The following HIVEP1 variants were observed in gnomAD, a reference collection of about 807,000 sequenced individuals.
HIVEP1 encodes HIVEP zinc finger 1, also known as zinc finger protein 40.
Under a neutral mutation model 180.0 loss-of-function variants are expected in HIVEP1, and 36 were observed. The observed-to-expected ratio is 0.20, with a 90% CI of 0.15 to 0.26. The LOEUF (loss-of-function observed/expected upper bound fraction) is 0.26. Ranked by LOEUF, HIVEP1 falls within the 10% of genes least tolerant of loss-of-function variation. The probability of loss-of-function intolerance (pLI) is 1.00; values close to 1 mark genes in which losing one functional copy is unlikely to be tolerated. For missense variants in HIVEP1, 3,143 were observed against 3,268.7 expected (o/e 0.96, Z 0.94); for synonymous variants, 1,239 against 1,239.0 (o/e 1.00, Z 0.00).
chr6:12,066,761 A>G (rs930335534), intron 2 of HIVEP1, among the ~76,000 whole-genome samples: 5 of 152,076 alleles, frequency 3.3e-5, no homozygotes, highest in Admixed American at 2.0e-4. Context: ...CAATATTATC[A>G]TTGTCTTCTC....
intron 2 of HIVEP1, among the ~76,000 whole-genome samples, chr6:12,087,081 AT>A (rs1773166633): frequency 6.6e-6 from 1 of 152,182 alleles, no homozygotes; most frequent in Non-Finnish European, 1.5e-5. Flanking sequence ...AGGTAGAAGC[AT>A]TTGAGGAGGT....
rs149537394 is a variant in HIVEP1, at chr6:12,123,549, C to T, written c.3754C>T (p.His1252Tyr). 1.2e-6 allele frequency: 2 copies of T among 1,614,096 alleles called. No homozygotes were observed. The highest frequency in any genetic ancestry group is 2.7e-5 in the African/African-American group (2 of 75,030). The change falls in exon 4 of 9, where the codon CAT (histidine) becomes TAT (tyrosine). Residue 1252 changes from histidine (H) to tyrosine (Y), a missense_variant. By Grantham distance (83) the His-to-Tyr change is moderately conservative. Coordinates refer to ENST00000379388, the MANE Select transcript of HIVEP1 (RefSeq NM_002114.4). ...EPDRDLEAQC[H>Y]DQEKSEKFSW... ...AGATCGAGACCTGGAAGCTCAATGCCATGATCAAGAAAAGTCAGAGAAGTT... is the reference window on the plus strand; with the variant it reads ...AGATCGAGACCTGGAAGCTCAATGCTATGATCAAGAAAAGTCAGAGAAGTT...
rs1757977393 is a variant in HIVEP1 at position 12,125,116 on chromosome 6, C to T, written c.5321C>T (p.Ala1774Val). 2 of 1,613,452 alleles carry T rather than the reference C, an allele frequency of 1.2e-6. No individual in the cohort carries two copies. Among genetic ancestry groups the T allele is most frequent in the Non-Finnish European group, 1.7e-6 (2 of 1,179,792 alleles). The stretch of plus-strand genomic sequence containing the variant: ...AAAGATGAAAATGGAGCTGTTTGTG[C>T]AACAGACGTGAGACCTTTAGAGGCT... The part of the protein sequence containing the change: ...RAKDENGAVC[A>V]TDVRPLEALS... The change falls in exon 4 of 9, where the codon GCA becomes GTA. Residue 1774 changes from alanine to valine, a missense_variant. Transcript: ENST00000379388.
At chr6:12,187,498 C>T in the HIVEP1 span, among the ~76,000 whole-genome samples, 6 of 152,246 alleles carry the variant, frequency 3.9e-5, no homozygotes, top group South Asian at 4.2e-4. Flanking sequence ...CTTTGCCTTC[C>T]GTCCACCATT....
At position 12,042,119 on chromosome 6, in the gene HIVEP1, C is replaced by T. The variant is rs190462977; in HGVS notation, c.40+26451C>T. Among the ~76,000 whole-genome samples the T allele has an allele frequency of 1.9e-4, 27 of 142,608 alleles. 2 individuals carry two copies. The highest frequency in any genetic ancestry group is 6.6e-4 in the African/African-American group (25 of 37,628). 93.6% of individuals were successfully genotyped at this position (142,608 alleles called of 152,430 possible). On this transcript the variant is annotated intron_variant, in intron 2 of 8. Transcript: ENST00000379388. ...ACGGAGTCTCGCTCTGTCGCCAAGG[C>T]GGGACTGCGGACTGCAGTGGCGCAA... is the stretch of plus-strand genomic sequence containing the variant.
At chr6:12,115,607 C>A (rs775749083) in intron 3 of HIVEP1, among the ~76,000 whole-genome samples, 12 of 152,026 alleles carry the variant, frequency 7.9e-5, no homozygotes, top group Non-Finnish European at 1.6e-4. Flanking sequence ...CGGTAGCACA[C>A]TGACAAGTGG....
chr6:12,191,477 C>T, the HIVEP1 span, among the ~76,000 whole-genome samples: 10 of 152,022 alleles, frequency 6.6e-5, no homozygotes, highest in African/African-American at 2.4e-4. Context: ...GCCTGTAGTC[C>T]CAACTACTCA....
intron 2 of HIVEP1, among the ~76,000 whole-genome samples, chr6:12,034,679 T>C (rs1769165964): frequency 1.3e-5 from 2 of 152,254 alleles, no homozygotes. Flanking sequence ...CTTTACTTTC[T>C]GTGCCCACAT....
the HIVEP1 span, among the ~76,000 whole-genome samples, chr6:12,207,846 G>T: frequency 6.7e-6 from 1 of 149,590 alleles, no homozygotes; most frequent in Non-Finnish European, 1.5e-5. Context: ...GCCCCAGGGG[G>T]TCAAGGCTGC....
rs147263636 is a variant in HIVEP1 at position 12,120,102 on chromosome 6, A to G, written c.307A>G (p.Lys103Glu). 7 of 1,613,272 alleles carry G rather than the reference A, an allele frequency of 4.3e-6. No homozygotes were observed. Among genetic ancestry groups the G allele is most frequent in the Non-Finnish European group, 5.9e-6 (7 of 1,179,786 alleles). Residue 103 changes from lysine to glutamate, a missense_variant, in exon 4 of 9, where the codon AAA becomes GAA. Lys to Glu is a moderately conservative substitution (Grantham distance 56, BLOSUM62 1). Coordinates refer to ENST00000379388, the MANE Select transcript of HIVEP1 (RefSeq NM_002114.4). Reference sequence around the variant, plus strand: ...CAAGAAACAGAATTATATTCCTGTAAAAAATGGGAAGCAGTTTACCAAACA... The same window carrying G: ...CAAGAAACAGAATTATATTCCTGTAGAAAATGGGAAGCAGTTTACCAAACA... ...SHKKQNYIPV[K>E]NGKQFTKQNG...
At chr6:12,119,167 C>T (rs1426283397) in intron 3 of HIVEP1, among the ~76,000 whole-genome samples, 1 of 152,158 alleles carries the variant, frequency 6.6e-6, no homozygotes, top group African/African-American at 2.4e-5. Flanking sequence ...TCTTCCCTTA[C>T]CAGCTTAAAG....
chr6:12,078,707 A>AAC (rs1168274891), intron 2 of HIVEP1, among the ~76,000 whole-genome samples: 35 of 114,212 alleles, frequency 3.1e-4, no homozygotes, highest in African/African-American at 7.3e-4. Flanking sequence ...CATATATATA[A>AAC]ACACACACAC....
intron 2 of HIVEP1, among the ~76,000 whole-genome samples, chr6:12,044,623 G>A (rs918100765): frequency 9.9e-5 from 15 of 151,538 alleles, no homozygotes; most frequent in African/African-American, 3.4e-4. Flanking sequence ...CCCCCTCAAA[G>A]CCAGCGCACC....
chr6:12,063,392 G>T lies in HIVEP1; in HGVS notation c.41-25792G>T, dbSNP rs993894240. 2.0e-5 allele frequency among the ~76,000 whole-genome samples: 3 copies of T among 152,026 alleles called. No individual in the cohort carries two copies. The highest frequency in any genetic ancestry group is 2.0e-4 in the Admixed American group (3 of 15,254). ...CTCCAGGCATTTCCAAATGCCTTTT[G>T]GGGGGCAAAATCACCCCAACCTAAA... On this transcript the variant is annotated intron_variant, in intron 2 of 8. Coordinates refer to ENST00000379388, the MANE Select transcript of HIVEP1 (RefSeq NM_002114.4). This position sits in a 1 kb window ranked among gnomAD's most constrained non-coding sequence, Gnocchi z 4.2.
chr6:12,050,061 G>C (rs1770395331), intron 2 of HIVEP1, among the ~76,000 whole-genome samples: 1 of 152,106 alleles, frequency 6.6e-6, no homozygotes, highest in East Asian at 1.9e-4. Flanking sequence ...CCTCCTATCT[G>C]ATCAGCTTTG....
At chr6:12,011,269 G>GCCC (rs1767266720), upstream of HIVEP1, among the ~76,000 whole-genome samples, 1 of 75,682 alleles carries the variant, frequency 1.3e-5, no homozygotes, top group Non-Finnish European at 2.8e-5. Context: ...CCCCCTTGGG[G>GCCC]TCCCCCCCCC....
chr6:12,154,659 G>A (rs1383789715), intron 7 of HIVEP1, among the ~76,000 whole-genome samples: 2 of 152,116 alleles, frequency 1.3e-5, no homozygotes, highest in Non-Finnish European at 2.9e-5. Flanking sequence ...GACAAGGGGA[G>A]GGAGAGCATT....
At chr6:12,147,173 G>A (rs1212618266) in intron 7 of HIVEP1, among the ~76,000 whole-genome samples, 2 of 152,128 alleles carry the variant, frequency 1.3e-5, no homozygotes, top group African/African-American at 4.8e-5. Flanking sequence ...TGCTGTGCAG[G>A]GGAGTTTCAG....
chr6:12,164,011 A>G lies in HIVEP1; in HGVS notation c.7707A>G (p.Pro2569=). 1 of 1,614,182 alleles carries G rather than the reference A, an allele frequency of 6.2e-7. No individual in the cohort carries two copies. ...TAGCCGTTGATGCACAGGGAGCTCC[A>G]GAAATGCCAGCTTCCCAAAGCAAAG... The part of the protein sequence containing the change: ...SQVAVDAQGA[P]EMPASQSKAC... The change falls in exon 9 of 9, where the codon CCA becomes CCG. Residue 2569 remains proline (P), a synonymous_variant. Coordinates refer to ENST00000379388, the MANE Select transcript of HIVEP1 (RefSeq NM_002114.4).
Sources: allele counts gnomAD v4.1 joint callset (sites outside exome capture counted in the v4.1 genomes callset), GRCh38; gene constraint gnomAD v4.1.1; non-coding constraint Gnocchi (gnomAD v3.1); transcripts MANE v1.5; gene names NCBI Gene and HGNC (gene_info 2026-07-23, HGNC 2026-07-21).